PLCH1: variants seen among roughly 807,000 people sequenced by gnomAD.
PLCH1 encodes the protein 1-phosphatidylinositol 4,5-bisphosphate phosphodiesterase eta-1.
A neutral mutation model predicts 126.7 loss-of-function variants in PLCH1; 60 were observed. The ratio of observed to expected loss-of-function variants is 0.47; its 90% CI spans 0.38 to 0.59. The LOEUF (loss-of-function observed/expected upper bound fraction) is 0.59, where lower values mean the gene tolerates loss of function less well. Ranked by LOEUF, PLCH1 falls within the 20% of genes least tolerant of loss-of-function variation. PLCH1 has a pLI of 0.00. For synonymous variants in PLCH1, 719 were observed against 734.9 expected, an observed-to-expected ratio of 0.98 and a Z score of 0.35; for missense variants, 1,723 against 2,040.0, an observed-to-expected ratio of 0.84 and a Z score of 2.99.
At chr3:155,523,858 A>G (rs1437364327) in intron 11 of PLCH1, 39 bp downstream of exon 11, 1 of 1,144,810 alleles carries the variant, frequency 8.7e-7, no homozygotes, top group Non-Finnish European at 1.3e-6. Flanking sequence ...TTAATACAGC[A>G]TATCAAGGAT....
intron 11 of PLCH1, among the ~76,000 whole-genome samples, 155 bp from the exon 12 acceptor site, chr3:155,515,039 C>T (rs753908899): frequency 5.3e-5 from 8 of 152,184 alleles, no homozygotes; most frequent in Non-Finnish European, 7.3e-5. Flanking sequence ...TCAGTCTTCC[C>T]TCCTCCACAA....
At chr3:155,540,436 T>A (rs1724078501) in intron 10 of PLCH1, among the ~76,000 whole-genome samples, 1 of 152,056 alleles carries the variant, frequency 6.6e-6, no homozygotes, top group Non-Finnish European at 1.5e-5. Context: ...AAAGAAATAA[T>A]CAGTGGAGTA....
At chr3:155,504,692 G>C (rs1299762233) in intron 12 of PLCH1, 66 bp from the exon 13 acceptor site, 11 of 1,114,842 alleles carry the variant, frequency 9.9e-6, no homozygotes, top group African/African-American at 1.5e-5. Flanking sequence ...CTTAGTTCTG[G>C]TGGAATAGCA....
At chr3:155,579,841 A>C (rs1303480901) in intron 6 of PLCH1, among the ~76,000 whole-genome samples, 1 of 152,050 alleles carries the variant, frequency 6.6e-6, no homozygotes, top group Non-Finnish European at 1.5e-5. Flanking sequence ...TCTGCCTGTC[A>C]GTCTCTGTCT....
chr3:155,567,703 G>C (rs534160512), intron 7 of PLCH1, among the ~76,000 whole-genome samples: 1 of 152,102 alleles, frequency 6.6e-6, no homozygotes, highest in East Asian at 1.9e-4. Context: ...CTAGATTCTG[G>C]GTATATAACT....
intron 21 of PLCH1, among the ~76,000 whole-genome samples, chr3:155,463,311 G>A (rs1360082096): frequency 6.6e-6 from 1 of 152,116 alleles, no homozygotes. Flanking sequence ...TAATTGTTCG[G>A]ACATTTAGAA....
At position 155,660,882 on chromosome 3, in the gene PLCH1, T is replaced by C. The variant is rs1742054861; in HGVS notation, c.79+43264A>G. ...ACTTCATAGGTAATTGAATTTCATATGAAATTTACCAAATAACAAAGGTCT... is the reference window on the plus strand; with the variant it reads ...ACTTCATAGGTAATTGAATTTCATACGAAATTTACCAAATAACAAAGGTCT... On this transcript the variant is annotated intron_variant, in intron 2 of 22. Transcript: ENST00000460012. Among the ~76,000 whole-genome samples the C allele has an allele frequency of 2.0e-5, 3 of 152,364 alleles. No homozygotes were observed. The South Asian group carries it at 6.2e-4, about 32-fold the overall frequency.
chr3:155,468,512 C>T (rs1214702719), intron 21 of PLCH1, among the ~76,000 whole-genome samples: 2 of 152,042 alleles, frequency 1.3e-5, no homozygotes, highest in Admixed American at 6.6e-5. Context: ...TTCACCTACA[C>T]GGACACACAT....
chr3:155,631,166 G>A (rs899524070), intron 2 of PLCH1, among the ~76,000 whole-genome samples: 2 of 151,988 alleles, frequency 1.3e-5, no homozygotes, highest in African/African-American at 4.8e-5. Flanking sequence ...CAAAATTCTC[G>A]GTATTTTGGT....
chr3:155,651,937 G>A (rs537491229), intron 2 of PLCH1, among the ~76,000 whole-genome samples: 1 of 152,190 alleles, frequency 6.6e-6, no homozygotes, highest in South Asian at 2.1e-4. Flanking sequence ...AACTTCCTAG[G>A]CTTTCTTCCA....
chr3:155,693,085 AT>A (rs2109047770), intron 2 of PLCH1, among the ~76,000 whole-genome samples: 1 of 152,072 alleles, frequency 6.6e-6, no homozygotes, highest in African/African-American at 2.4e-5. Context: ...AATCATCAGC[AT>A]TTTTTAAAAA....
chr3:155,511,282 T>A (rs1324304301), intron 12 of PLCH1, among the ~76,000 whole-genome samples: 2 of 132,686 alleles, frequency 1.5e-5, no homozygotes, highest in Non-Finnish European at 3.1e-5. Flanking sequence ...GTTTTCAACT[T>A]CTTTGCCTTT....
intron 4 of PLCH1, among the ~76,000 whole-genome samples, chr3:155,587,849 G>C (rs1731588362): frequency 6.6e-6 from 1 of 152,182 alleles, no homozygotes; most frequent in Non-Finnish European, 1.5e-5. Context: ...TAGTTGTTGA[G>C]GGGTAGGTTA....
intron 21 of PLCH1, among the ~76,000 whole-genome samples, chr3:155,471,000 A>G (rs1713197314): frequency 6.6e-6 from 1 of 151,928 alleles, no homozygotes; most frequent in African/African-American, 2.4e-5. Flanking sequence ...CATCGAGACT[A>G]GGAAGAAAGT....
intron 2 of PLCH1, among the ~76,000 whole-genome samples, chr3:155,629,954 G>C (rs1174617914): frequency 6.6e-6 from 1 of 152,162 alleles, no homozygotes; most frequent in Non-Finnish European, 1.5e-5. Context: ...GTAATTTAAA[G>C]GGACAAGTCC....
chr3:155,522,733 G>T (rs1721274466), intron 11 of PLCH1, among the ~76,000 whole-genome samples: 1 of 145,406 alleles, frequency 6.9e-6, no homozygotes, highest in Non-Finnish European at 1.5e-5. Flanking sequence ...TTTTTTAGAG[G>T]GTAGAATCAT....
chr3:155,709,933 A>G (rs1559955127), intron 1 of PLCH1, among the ~76,000 whole-genome samples: 3 of 151,946 alleles, frequency 2.0e-5, no homozygotes, highest in Non-Finnish European at 4.4e-5. Flanking sequence ...AAAAATTTTA[A>G]TCAGGTTGTT....
rs536920263 is a variant in PLCH1 at position 155,520,440 on chromosome 3, T to C, written c.1470+3457A>G. 5.3e-5 allele frequency among the ~76,000 whole-genome samples: 8 copies of C among 152,322 alleles called. No homozygotes were observed. The East Asian group carries it at 1.5e-3, about 29-fold the overall frequency. On this transcript the variant is annotated intron_variant, in intron 11 of 22. Transcript: ENST00000460012. The stretch of plus-strand genomic sequence containing the variant: ...CACTGCACCAGGACTCCTTTAGAAC[T>C]TGCTGGAAGGCTTGGTGTTTATGGG...
At chr3:155,468,015 G>A (rs1267259927) in intron 21 of PLCH1, among the ~76,000 whole-genome samples, 1 of 152,168 alleles carries the variant, frequency 6.6e-6, no homozygotes, top group Non-Finnish European at 1.5e-5. Context: ...AAGACTAAAT[G>A]AGGAACCAAT....
Sources: gnomAD v4.1 joint callset for allele counts (sites outside exome capture counted in the v4.1 genomes callset) on GRCh38, gnomAD v4.1.1 for gene constraint, MANE v1.5 for transcripts, NCBI Gene and HGNC (gene_info 2026-07-23, HGNC 2026-07-21) for gene names.